Variants in RBFOX1 observed in about 807,000 individuals in gnomAD.
RBFOX1 encodes RNA binding fox-1 homolog 1, also known as RNA binding protein fox-1 homolog 1.
In RBFOX1, 8 loss-of-function variants were observed where a neutral mutation model predicts 57.7. That is an observed-to-expected ratio of 0.14 (90% CI 0.08 to 0.25). The LOEUF (loss-of-function observed/expected upper bound fraction) is 0.25. Ranked by LOEUF, RBFOX1 falls within the 10% of genes least tolerant of loss-of-function variation. The pLI is 1.00. For synonymous variants in RBFOX1, 326 were observed against 222.4 expected (o/e 1.47, Z -4.15); for missense variants, 611 against 548.5 (o/e 1.11, Z -1.14).
intron 3 of RBFOX1, among the ~76,000 whole-genome samples, chr16:6,886,055 AT>A (rs71147619): frequency 2.9e-3 from 414 of 144,778 alleles, no homozygotes; most frequent in Middle Eastern, 7.8e-3. Context: ...CAGTGAAAGT[AT>A]TTTTTTTTTC....
intron 3 of RBFOX1, among the ~76,000 whole-genome samples, chr16:5,846,406 TA>T (rs1304233966): frequency 6.7e-6 from 1 of 149,438 alleles, no homozygotes; most frequent in Non-Finnish European, 1.5e-5. Context: ...CAGCATGTTT[TA>T]TGGGCTTTAT....
intron 4 of RBFOX1, among the ~76,000 whole-genome samples, chr16:7,412,198 C>G (rs974024494): frequency 2.6e-5 from 4 of 151,882 alleles, no homozygotes; most frequent in Admixed American, 6.6e-5. Flanking sequence ...CTTTGGAGGA[C>G]TACCTGAGGA....
At chr16:6,483,486 C>T (rs1426843465) in intron 2 of RBFOX1, 2 of 1,535,618 alleles carry the variant, frequency 1.3e-6, no homozygotes, top group African/African-American at 1.4e-5. Flanking sequence ...ACAGGAGGCA[C>T]TTTGCAGCCG....
At chr16:7,213,723 G>A (rs1182387526) in intron 4 of RBFOX1, among the ~76,000 whole-genome samples, 1 of 152,168 alleles carries the variant, frequency 6.6e-6, no homozygotes, top group Non-Finnish European at 1.5e-5. Context: ...GGTTCCAGAA[G>A]GCTAGGGAAT....
At chr16:6,223,334 CT>C (rs1258262447) in intron 1 of RBFOX1, among the ~76,000 whole-genome samples, 1 of 149,750 alleles carries the variant, frequency 6.7e-6, no homozygotes, top group African/African-American at 2.5e-5. Flanking sequence ...AAAAGTGTTC[CT>C]ATTTCTCCAC....
At chr16:6,822,499 G>GTTTCACAAC (rs2091475444) in intron 3 of RBFOX1, among the ~76,000 whole-genome samples, 1 of 152,216 alleles carries the variant, frequency 6.6e-6, no homozygotes, top group East Asian at 1.9e-4. Context: ...ATCAATCTGA[G>GTTTCACAAC]TTTCACAACA....
At chr16:5,322,921 C>A (rs1411928955) in intron 1 of RBFOX1, among the ~76,000 whole-genome samples, 1 of 152,142 alleles carries the variant, frequency 6.6e-6, no homozygotes, top group Non-Finnish European at 1.5e-5. Context: ...GTGGTTTTGT[C>A]TCCAGAACTT....
chr16:6,477,242 T>C (rs1186637255), intron 2 of RBFOX1, among the ~76,000 whole-genome samples: 1 of 152,216 alleles, frequency 6.6e-6, no homozygotes, highest in Non-Finnish European at 1.5e-5. Context: ...TTTTTTAGAA[T>C]ATTTCAGTGT....
chr16:6,991,056 C>T (rs28485766), intron 3 of RBFOX1, among the ~76,000 whole-genome samples: 10 of 140,296 alleles, frequency 7.1e-5, no homozygotes, highest in South Asian at 6.8e-4. Flanking sequence ...AATTCCAGTA[C>T]GTTGGGAGGC....
chr16:6,612,096 C>G (rs2098067190), intron 2 of RBFOX1, among the ~76,000 whole-genome samples: 2 of 152,186 alleles, frequency 1.3e-5, no homozygotes, highest in Non-Finnish European at 2.9e-5. Context: ...ACCCTCCCCT[C>G]TTGCATATGG....
At chr16:5,647,262 G>T (rs899788852) in intron 3 of RBFOX1, among the ~76,000 whole-genome samples, 21 of 152,158 alleles carry the variant, frequency 1.4e-4, no homozygotes, top group Non-Finnish European at 1.2e-4. Context: ...TTCACCCAGG[G>T]CCATGGAGCT....
intron 3 of RBFOX1, among the ~76,000 whole-genome samples, chr16:6,870,057 A>G (rs1263044335): frequency 6.6e-6 from 1 of 152,194 alleles, no homozygotes; most frequent in Non-Finnish European, 1.5e-5. Flanking sequence ...GAGTTTAAAA[A>G]TTGTTAAACT....
intron 3 of RBFOX1, among the ~76,000 whole-genome samples, chr16:6,983,384 G>A (rs1313660041): frequency 6.6e-6 from 1 of 151,778 alleles, no homozygotes; most frequent in South Asian, 2.1e-4. Context: ...AAAAAGCTAG[G>A]GTGGGAGAAT....
At chr16:7,470,438 T>G (rs1264392919) in intron 4 of RBFOX1, among the ~76,000 whole-genome samples, 1 of 152,048 alleles carries the variant, frequency 6.6e-6, no homozygotes, top group Non-Finnish European at 1.5e-5. Flanking sequence ...GATGGTTGGA[T>G]GAATGAGTGG....
At position 6,286,194 on chromosome 16, in the gene RBFOX1, G is replaced by A. The variant is rs986878220; in HGVS notation, c.-126-30801G>A. ...GAGCTCGACTGACATGAAAGTCATG[G>A]CGTCCATTTTTAACCCCCCATCCCT... On this transcript the variant is annotated intron_variant, in intron 1 of 15. Coordinates refer to ENST00000550418, the MANE Select transcript of RBFOX1 (RefSeq NM_018723.4). 3.9e-5 allele frequency among the ~76,000 whole-genome samples: 6 copies of A among 152,214 alleles called. No individual in the cohort carries two copies. In the South Asian group the frequency reaches 1.0e-3, roughly 26 times the overall value.
chr16:5,714,873 G>A (rs2051630066), intron 3 of RBFOX1, among the ~76,000 whole-genome samples: 1 of 152,184 alleles, frequency 6.6e-6, no homozygotes, highest in African/African-American at 2.4e-5. Context: ...CACGTAGCTA[G>A]TAGACATCTC....
At chr16:7,303,732 A>ATCTCTCTCTCTCTTTACCCTCCCTCTCGC (rs2096090780) in intron 4 of RBFOX1, among the ~76,000 whole-genome samples, 2 of 140,116 alleles carry the variant, frequency 1.4e-5, no homozygotes, top group Admixed American at 1.4e-4. Flanking sequence ...CTCTCTTTCA[A>ATCTCTCTCTCTCTTTACCCTCCCTCTCGC]TCTCTCTCTC....
chr16:6,020,446 A>G (rs573921688), intron 1 of RBFOX1, among the ~76,000 whole-genome samples: 82 of 152,210 alleles, frequency 5.4e-4, no homozygotes, highest in African/African-American at 1.9e-3. Context: ...GAGGGTGTTT[A>G]GGTGCCCCGA....
intron 1 of RBFOX1, among the ~76,000 whole-genome samples, chr16:5,392,538 C>CT (rs2066441916): frequency 6.7e-6 from 1 of 149,458 alleles, no homozygotes; most frequent in African/African-American, 2.5e-5. Flanking sequence ...TATTTTTTTT[C>CT]TTTTTTTCTT....
Sources: gnomAD v4.1 joint callset for allele counts (sites outside exome capture counted in the v4.1 genomes callset) on GRCh38, gnomAD v4.1.1 for gene constraint, MANE v1.5 for transcripts, NCBI Gene and HGNC (gene_info 2026-07-23, HGNC 2026-07-21) for gene names.